Variants in CSGALNACT1 observed in about 807,000 individuals in gnomAD.
The protein encoded by CSGALNACT1 is beta4GalNAcT-1.
CSGALNACT1 carries 52 observed loss-of-function variants against 51.0 expected under a neutral mutation model. The ratio of observed to expected loss-of-function variants is 1.02; its 90% CI spans 0.82 to 1.29. The LOEUF is 1.29. Among genes scored for constraint, CSGALNACT1 ranks in the 50% most tolerant of loss-of-function variants. The probability of loss-of-function intolerance (pLI) is 0.00; values close to 1 mark genes in which losing one functional copy is unlikely to be tolerated. For synonymous variants in CSGALNACT1, 341 were observed against 254.4 expected (o/e 1.34, Z -3.24); for missense variants, 935 against 679.2 (o/e 1.38, Z -4.19).
intron 1 of CSGALNACT1, among the ~76,000 whole-genome samples, chr8:19,668,728 GATT>G (rs2059568995): frequency 6.6e-6 from 1 of 151,944 alleles, no homozygotes; most frequent in South Asian, 2.1e-4. Context: ...CTGATTTTTG[GATT>G]ATTAGGAGAT....
intron 1 of CSGALNACT1, among the ~76,000 whole-genome samples, chr8:19,749,748 G>C (rs539585278): frequency 6.6e-6 from 1 of 152,274 alleles, no homozygotes; most frequent in African/African-American, 2.4e-5. Context: ...CAGCTCAGAG[G>C]GGGTCAGGGA....
chr8:19,614,080 T>C (rs1317638301), intron 1 of CSGALNACT1, among the ~76,000 whole-genome samples: 1 of 152,218 alleles, frequency 6.6e-6, no homozygotes, highest in Admixed American at 6.5e-5. Context: ...AAAAGAATGA[T>C]GTAGAATCTT....
chr8:19,459,685 G>C (rs148075355), intron 4 of CSGALNACT1, among the ~76,000 whole-genome samples: 3,560 of 152,238 alleles, frequency 0.023, 45 homozygotes, highest in Middle Eastern at 0.041. Flanking sequence ...GGTTTGCTTT[G>C]AAAAATTACT....
At chr8:19,618,885 A>G (rs2053440355) in intron 1 of CSGALNACT1, among the ~76,000 whole-genome samples, 1 of 151,914 alleles carries the variant, frequency 6.6e-6, no homozygotes, top group African/African-American at 2.4e-5. Context: ...TTTCTTCCAC[A>G]CTGAATTCTC....
chr8:19,483,265 C>A (rs1460248696), intron 4 of CSGALNACT1, among the ~76,000 whole-genome samples: 2 of 152,192 alleles, frequency 1.3e-5, no homozygotes, highest in Non-Finnish European at 2.9e-5. Flanking sequence ...AATAATGTCA[C>A]CCTTCTGTTT....
intron 4 of CSGALNACT1, among the ~76,000 whole-genome samples, chr8:19,487,271 A>T (rs1483555614): frequency 6.6e-6 from 1 of 152,200 alleles, no homozygotes; most frequent in East Asian, 1.9e-4. Context: ...ACTCCCACCA[A>T]CACCCAAATG....
intron 4 of CSGALNACT1, among the ~76,000 whole-genome samples, chr8:19,493,194 C>G (rs1185832437): frequency 6.6e-6 from 1 of 152,166 alleles, no homozygotes; most frequent in African/African-American, 2.4e-5. Context: ...TCAGCCTCCC[C>G]CAACCTTCTA....
At chr8:19,511,833 C>T (rs2078523049) in intron 3 of CSGALNACT1, among the ~76,000 whole-genome samples, 1 of 152,204 alleles carries the variant, frequency 6.6e-6, no homozygotes, top group Non-Finnish European at 1.5e-5. Flanking sequence ...CCTCAGGAAA[C>T]TTACAATCAT....
chr8:19,450,395 G>A (rs2062965761), intron 5 of CSGALNACT1, among the ~76,000 whole-genome samples: 1 of 151,998 alleles, frequency 6.6e-6, no homozygotes, highest in South Asian at 2.1e-4. Flanking sequence ...AAAACAGCAG[G>A]AGCTACATTT....
exon 10 of CSGALNACT1, chr8:19,405,407 G>A: frequency 2.2e-6 from 1 of 465,010 alleles, no homozygotes. Flanking sequence ...AAATATGCTT[G>A]CCTTTCATGC....
At chr8:19,728,783 T>C (rs1328751684) in intron 1 of CSGALNACT1, among the ~76,000 whole-genome samples, 1 of 152,286 alleles carries the variant, frequency 6.6e-6, no homozygotes, top group African/African-American at 2.4e-5. Flanking sequence ...CGAACATTTT[T>C]AGGTGTGTAT....
rs1404487543 is a variant in CSGALNACT1 at position 19,757,255 on chromosome 8, G to T, written c.-297+595C>A. The stretch of plus-strand genomic sequence containing the variant: ...GCCGTCGCTGAACTTTCCCTCCTGC[G>T]CGGCCGCCGCGGACTCGGCTCCACC... On this transcript the variant is annotated intron_variant, in intron 1 of 1. Transcript: ENST00000517494. This position sits in a 1 kb window ranked among gnomAD's most constrained non-coding sequence, Gnocchi z 4.0. 6.7e-6 allele frequency: 1 copy of T among 149,834 alleles called. No homozygotes were observed. Among genetic ancestry groups the T allele is most frequent in the Non-Finnish European group, 1.5e-5 (1 of 67,062 alleles). 9.3% of individuals were successfully genotyped at this position (149,834 alleles called of 1,614,324 possible). A position where few individuals can be genotyped will look rare whatever the true frequency, so the allele number is the denominator to read the frequency against.
chr8:19,524,922 C>G (rs965111435), intron 3 of CSGALNACT1, among the ~76,000 whole-genome samples: 1 of 151,856 alleles, frequency 6.6e-6, no homozygotes, highest in Non-Finnish European at 1.5e-5. Flanking sequence ...AAGAGAGACA[C>G]AGAGAGAGAG....
upstream of CSGALNACT1, among the ~76,000 whole-genome samples, chr8:19,684,112 G>A (rs1205255181): frequency 6.6e-6 from 1 of 152,118 alleles, no homozygotes; most frequent in Non-Finnish European, 1.5e-5. Flanking sequence ...ATTGCAGGGA[G>A]CAGAGATAGT....
chr8:19,685,968 A>G (rs1242159860), upstream of CSGALNACT1, among the ~76,000 whole-genome samples: 1 of 152,136 alleles, frequency 6.6e-6, no homozygotes, highest in Non-Finnish European at 1.5e-5. Context: ...ACCCATACTC[A>G]TGTATCGAAA....
rs147845836 is a variant in CSGALNACT1 at position 19,453,709 on chromosome 8, C to T, written c.851+4717G>A. On this transcript the variant is annotated intron_variant, in intron 5 of 9. Transcript: ENST00000454498. ...GGCAGATCCCCTGAGGTCAGGAGTT[C>T]AAGACCAGCCTGGCGAACATGGTGA... Among the ~76,000 whole-genome samples, 1,048 of 152,178 alleles carry T rather than the reference C, an allele frequency of 6.9e-3. 12 individuals carry two copies. The highest frequency in any genetic ancestry group is 0.024 in the African/African-American group (1,000 of 41,520).
At chr8:19,735,072 G>A (rs915677902) in intron 1 of CSGALNACT1, among the ~76,000 whole-genome samples, 4 of 152,192 alleles carry the variant, frequency 2.6e-5, no homozygotes, top group African/African-American at 9.6e-5. Flanking sequence ...GGGCCAGAGT[G>A]CCAGAAGAGA....
intron 4 of CSGALNACT1, among the ~76,000 whole-genome samples, chr8:19,460,666 T>G (rs2065165217): frequency 6.6e-6 from 1 of 152,206 alleles, no homozygotes; most frequent in Non-Finnish European, 1.5e-5. Context: ...GGAATACAGT[T>G]TGAAAGGTAC....
intron 1 of CSGALNACT1, among the ~76,000 whole-genome samples, chr8:19,639,736 T>C (rs2056523293): frequency 6.6e-6 from 1 of 152,122 alleles, no homozygotes; most frequent in Admixed American, 6.5e-5. Flanking sequence ...ATCCACAACG[T>C]GCAACTGCTC....
Sources: allele counts gnomAD v4.1 joint callset (sites outside exome capture counted in the v4.1 genomes callset), GRCh38; gene constraint gnomAD v4.1.1; non-coding constraint Gnocchi (gnomAD v3.1); transcripts MANE v1.5; gene names NCBI Gene and HGNC (gene_info 2026-07-23, HGNC 2026-07-21).